Variants in CLCN3 observed in about 807,000 individuals in gnomAD.
CLCN3 encodes H(+)/Cl(-) exchange transporter 3.
Under a neutral mutation model 83.4 loss-of-function variants are expected in CLCN3, and 16 were observed. The ratio of observed to expected loss-of-function variants is 0.19; its 90% CI spans 0.13 to 0.29. The LOEUF (loss-of-function observed/expected upper bound fraction) is 0.29. Ranked by LOEUF, CLCN3 falls within the 10% of genes least tolerant of loss-of-function variation. The probability of loss-of-function intolerance (pLI) is 1.00; values close to 1 mark genes in which losing one functional copy is unlikely to be tolerated. For missense variants in CLCN3, 544 were observed against 1,006.0 expected (o/e 0.54, Z 6.21); for synonymous variants, 322 against 346.2 (o/e 0.93, Z 0.78).
chr4:169,633,724 T>C (rs1773438888), intron 1 of CLCN3, among the ~76,000 whole-genome samples: 2 of 152,264 alleles, frequency 1.3e-5, no homozygotes, highest in African/African-American at 4.8e-5. Flanking sequence ...ATATATTTTA[T>C]TTAACCCAAT....
chr4:169,663,329 G>T (rs1301712012), intron 2 of CLCN3, among the ~76,000 whole-genome samples: 17 of 150,236 alleles, frequency 1.1e-4, no homozygotes, highest in Non-Finnish European at 2.4e-4. Flanking sequence ...TGTTGTTGTT[G>T]TTGTTGTTGT....
chr4:169,671,935 A>G (rs1266773647), intron 2 of CLCN3, among the ~76,000 whole-genome samples: 4 of 152,086 alleles, frequency 2.6e-5, no homozygotes, highest in Non-Finnish European at 4.4e-5. Flanking sequence ...TCTAACTGTG[A>G]GCACAGTGGC....
intron 2 of CLCN3, among the ~76,000 whole-genome samples, chr4:169,675,307 T>C (rs1333920450): frequency 1.3e-5 from 2 of 152,232 alleles, no homozygotes; most frequent in African/African-American, 4.8e-5. Context: ...TCACATGATC[T>C]CTTGATCTAG....
chr4:169,624,980 C>T (rs983547849), intron 1 of CLCN3, among the ~76,000 whole-genome samples: 7 of 151,982 alleles, frequency 4.6e-5, no homozygotes, highest in African/African-American at 7.2e-5. Context: ...TTATTAGAGA[C>T]GGGGTTTCCC....
intron 9 of CLCN3, 56 bp from the exon 10 acceptor site, chr4:169,703,940 GTT>G: frequency 1.3e-6 from 2 of 1,502,628 alleles, no homozygotes; most frequent in East Asian, 2.3e-5. Flanking sequence ...TAGAATGTAA[GTT>G]TCAGGCATGT....
chr4:169,647,460 G>T (rs954390768), intron 2 of CLCN3, among the ~76,000 whole-genome samples: 1 of 152,160 alleles, frequency 6.6e-6, no homozygotes, highest in African/African-American at 2.4e-5. Context: ...AGAAATGGCA[G>T]AGTCTAGGAC....
intron 1 of CLCN3, among the ~76,000 whole-genome samples, chr4:169,627,012 C>CA (rs914602028): frequency 6.6e-6 from 1 of 152,150 alleles, no homozygotes; most frequent in Non-Finnish European, 1.5e-5. Flanking sequence ...TCTTACCCTT[C>CA]TTATCTGGCT....
chr4:169,718,097 C>T (rs1327301534), intron 12 of CLCN3, among the ~76,000 whole-genome samples: 1 of 152,154 alleles, frequency 6.6e-6, no homozygotes, highest in African/African-American at 2.4e-5. Flanking sequence ...TCAAATCATT[C>T]ATTACAATTT....
chr4:169,657,925 C>T (rs1730934199), intron 2 of CLCN3, among the ~76,000 whole-genome samples: 1 of 152,116 alleles, frequency 6.6e-6, no homozygotes, highest in Non-Finnish European at 1.5e-5. Flanking sequence ...TCAAAGTCCT[C>T]TTTTGCCACA....
chr4:169,710,942 T>G lies in CLCN3; in HGVS notation c.2150-2137T>G, dbSNP rs142657734. On this transcript the variant is annotated intron_variant, in intron 11 of 12. Coordinates refer to ENST00000513761, the MANE Select transcript of CLCN3 (RefSeq NM_001829.4). ...CTCCTGGGCTTCAGCAATCCCCTCC[T>G]CAACCTCCGGAGCACATGAGATTAG... Among the ~76,000 whole-genome samples the G allele has an allele frequency of 7.0e-3, 1,072 of 152,300 alleles. 16 individuals carry two copies. The highest frequency in any genetic ancestry group is 0.024 in the African/African-American group (1,006 of 41,560).
chr4:169,707,106 T>A lies in CLCN3; in HGVS notation c.1989T>A (p.Asn663Lys), dbSNP rs1733023870. Residue 663 changes from asparagine to lysine, a missense_variant, in exon 11 of 13, where the codon AAT (asparagine) becomes AAA (lysine). Around this residue, in one of 6 missense-constraint regions of CLCN3, gnomAD observed 142 missense variants for 225.0 expected, o/e 0.63. Coordinates refer to ENST00000513761, the MANE Select transcript of CLCN3 (RefSeq NM_001829.4). ...LAADVMRPRR[N>K]DPPLAVLTQD... ...CTGACGTTATGAGACCTCGAAGGAA[T>A]GATCCTCCCTTAGCTGTCCTGACAC... 6.2e-7 allele frequency: 1 copy of A among 1,613,994 alleles called. No homozygotes were observed. The highest frequency in any genetic ancestry group is 1.3e-5 in the African/African-American group (1 of 74,920).
intron 12 of CLCN3, 36 bp from the exon 13 acceptor site, chr4:169,719,871 T>G (rs778468721): frequency 6.5e-7 from 1 of 1,549,308 alleles, no homozygotes; most frequent in South Asian, 1.2e-5. Flanking sequence ...TATTTTCCCT[T>G]TTATTTCATA....
intron 2 of CLCN3, among the ~76,000 whole-genome samples, chr4:169,672,600 A>G (rs1731516274): frequency 6.6e-6 from 1 of 152,174 alleles, no homozygotes; most frequent in African/African-American, 2.4e-5. Context: ...AAATTTTAAC[A>G]TATATGTAAT....
intron 1 of CLCN3, among the ~76,000 whole-genome samples, chr4:169,621,617 G>C (rs1245274270): frequency 6.6e-6 from 1 of 152,144 alleles, no homozygotes; most frequent in Non-Finnish European, 1.5e-5. Flanking sequence ...AGAAATTCCT[G>C]TTCATGGAAT....
rs199598571 is a variant in CLCN3, at chr4:169,713,062, C to G, written c.2150-17C>G. ...TCTATCAGTTTAAAAGTGTTGGTCT[C>G]TTCTCTCTCTTTTCAGAAAGTGCCA... On this transcript the variant is annotated splice_polypyrimidine_tract_variant and intron_variant, in intron 11 of 12. Coordinates refer to ENST00000513761, the MANE Select transcript of CLCN3 (RefSeq NM_001829.4). The G allele has an allele frequency of 6.2e-7, 1 of 1,604,356 alleles. No homozygotes were observed. Among genetic ancestry groups the G allele is most frequent in the Non-Finnish European group, 8.5e-7 (1 of 1,171,684 alleles).
intron 2 of CLCN3, among the ~76,000 whole-genome samples, chr4:169,657,540 G>C (rs1730922554): frequency 6.6e-6 from 1 of 152,030 alleles, no homozygotes; most frequent in Non-Finnish European, 1.5e-5. Context: ...AGATTTCTCA[G>C]ATCATTACTG....
chr4:169,655,254 G>C (rs368111175), intron 2 of CLCN3, among the ~76,000 whole-genome samples: 2 of 152,078 alleles, frequency 1.3e-5, no homozygotes. Flanking sequence ...AATCCAATTA[G>C]GTAGCATTTA....
At chr4:169,684,445 C>T (rs939188018) in intron 3 of CLCN3, among the ~76,000 whole-genome samples, 2 of 152,108 alleles carry the variant, frequency 1.3e-5, no homozygotes, top group Non-Finnish European at 2.9e-5. Flanking sequence ...GTGGTTTAAT[C>T]ATCACTGTTA....
rs183638977 is a variant in CLCN3, at chr4:169,723,048, T to A, written c.*3051T>A. 3.4e-4 allele frequency: 52 copies of A among 152,344 alleles called. 1 individual carries two copies. In the Middle Eastern group the frequency reaches 0.01, roughly 30 times the overall value. 9.4% of individuals were successfully genotyped at this position (152,344 alleles called of 1,614,324 possible). A position where few individuals can be genotyped will look rare whatever the true frequency, so the allele number is the denominator to read the frequency against. On this transcript the variant is annotated 3_prime_UTR_variant, in exon 13 of 13. Coordinates refer to ENST00000513761, the MANE Select transcript of CLCN3 (RefSeq NM_001829.4). ...TTCAGTTTTGGTTCACGAAGAATGC[T>A]TAGTTAATCTGTAATGTTGCCTAGA...
Sources: gnomAD v4.1 joint callset for allele counts (sites outside exome capture counted in the v4.1 genomes callset) on GRCh38, gnomAD v4.1.1 for gene constraint, gnomAD v4.1.1 regional missense constraint, MANE v1.5 for transcripts, NCBI Gene and HGNC (gene_info 2026-07-23, HGNC 2026-07-21) for gene names.